Variants in DISP2 observed in about 807,000 individuals in gnomAD.
The protein encoded by DISP2 is dispatched RND transporter family member 2.
Under a neutral mutation model 95.5 loss-of-function variants are expected in DISP2, and 59 were observed. That is an observed-to-expected ratio of 0.62 (90% CI 0.50 to 0.77). The LOEUF is 0.77. Ranked by LOEUF, DISP2 falls within the 30% of genes least tolerant of loss-of-function variation. The probability of loss-of-function intolerance (pLI) is 0.00; values close to 1 mark genes in which losing one functional copy is unlikely to be tolerated. For synonymous variants in DISP2, 827 were observed against 815.0 expected (o/e 1.01, Z -0.25); for missense variants, 1,752 against 1,854.6 (o/e 0.94, Z 1.02).
chr15:40,362,446 A>G (rs1207360195), intron 1 of DISP2, among the ~76,000 whole-genome samples: 1 of 152,278 alleles, frequency 6.6e-6, no homozygotes, highest in Non-Finnish European at 1.5e-5. Flanking sequence ...CAGCCAGCCT[A>G]GCACTCATTC....
chr15:40,369,555 G>T lies in DISP2; in HGVS notation c.3443G>T (p.Arg1148Leu). The T allele has an allele frequency of 1.2e-6, 2 of 1,612,428 alleles. No homozygotes were observed. Among genetic ancestry groups the T allele is most frequent in the South Asian group, 1.1e-5 (1 of 91,054 alleles). The change falls in exon 8 of 8, where the codon CGA becomes CTA. Residue 1148 changes from arginine to leucine, a missense_variant. Coordinates refer to ENST00000267889, the MANE Select transcript of DISP2 (RefSeq NM_033510.3). ...GGTGGGGAGAAGGCAGGCCGCCCAC[G>T]ACCAGGGTCAGTGGGAGGGATGCCC... ...DPGGEKAGRPRPGSVGGMPGS... is the reference protein window; with the variant it reads ...DPGGEKAGRPLPGSVGGMPGS...
chr15:40,369,620 C>T lies in DISP2; in HGVS notation c.3508C>T (p.Arg1170Trp), dbSNP rs139662420. The part of the protein sequence containing the change: ...SEQYELQPLA[R>W]RRSPSFDTST... ...GCAATATGAGCTACAGCCCCTGGCA[C>T]GGCGTCGGAGCCCCAGCTTTGACAC... Residue 1170 changes from arginine to tryptophan, a missense_variant, in exon 8 of 8, where the codon CGG becomes TGG. Arg to Trp is a moderately radical substitution (Grantham distance 101). This residue lies in a region of DISP2 where 347 missense variants were observed against 344.2 expected (regional missense o/e 1.01). Coordinates refer to ENST00000267889, the MANE Select transcript of DISP2 (RefSeq NM_033510.3). 2.9e-5 allele frequency: 47 copies of T among 1,611,496 alleles called. No individual in the cohort carries two copies. The highest frequency in any genetic ancestry group is 5.3e-5 in the African/African-American group (4 of 75,030).
At position 40,367,838 on chromosome 15, in the gene DISP2, G is replaced by C. The variant is rs139541441; in HGVS notation, c.1726G>C (p.Gly576Arg). ...WRLSKSQLPS[G>R]GLAQRVGRTM... ...CCTTAGCAAGAGCCAGCTGCCGTCGGGGGGGCTGGCGCAGCGCGTGGGCCG... is the reference window on the plus strand; with the variant it reads ...CCTTAGCAAGAGCCAGCTGCCGTCGCGGGGGCTGGCGCAGCGCGTGGGCCG... The change falls in exon 8 of 8, where the codon GGG (glycine) becomes CGG (arginine). Residue 576 changes from glycine (G) to arginine (R), a missense_variant. Around this residue, in one of 5 missense-constraint regions of DISP2, gnomAD observed 732 missense variants for 714.6 expected, o/e 1.02. Transcript: ENST00000267889. 3.5e-4 allele frequency: 567 copies of C among 1,601,362 alleles called. No homozygotes were observed. Among genetic ancestry groups the C allele is most frequent in the Admixed American group, 1.0e-3 (62 of 59,976 alleles).
Position 40,369,150 on chromosome 15 carries a change from A to T in DISP2, c.3038A>T (p.Gln1013Leu). 6.2e-7 allele frequency: 1 copy of T among 1,613,916 alleles called. No homozygotes were observed. Among genetic ancestry groups the T allele is most frequent in the Non-Finnish European group, 8.5e-7 (1 of 1,180,042 alleles). ...GGACTCCTGGTTCTCCTCGAGTGGC[A>T]GCTCAACACTGCCGAGGCCCTGTTT... ...TVGLLVLLEW[Q>L]LNTAEALFLS... is the part of the protein sequence containing the mutation. The change falls in exon 8 of 8, where the codon CAG becomes CTG. Residue 1013 changes from glutamine to leucine, a missense_variant. Coordinates refer to ENST00000267889, the MANE Select transcript of DISP2 (RefSeq NM_033510.3).
chr15:40,369,581 G>C lies in DISP2; in HGVS notation c.3469G>C (p.Gly1157Arg). 6.2e-7 allele frequency: 1 copy of C among 1,611,768 alleles called. No homozygotes were observed. The highest frequency in any genetic ancestry group is 1.3e-5 in the African/African-American group (1 of 75,036). Residue 1157 changes from glycine (G) to arginine (R), a missense_variant, in exon 8 of 8, where the codon GGG (glycine) becomes CGG (arginine). Gly to Arg is a moderately radical substitution (Grantham distance 125, BLOSUM62 -2). Around this residue, in one of 5 missense-constraint regions of DISP2, gnomAD observed 347 missense variants for 344.2 expected, o/e 1.01. Coordinates refer to ENST00000267889, the MANE Select transcript of DISP2 (RefSeq NM_033510.3). ...ACCAGGGTCAGTGGGAGGGATGCCC[G>C]GGTCCTGCTCAGAGCAATATGAGCT... ...PRPGSVGGMP[G>R]SCSEQYELQP...
chr15:40,374,014 A>AAAAAATATAT lies in DISP2; in HGVS notation c.*3697_*3698insAAAATATATA. On this transcript the variant is annotated 3_prime_UTR_variant, in exon 8 of 8. Coordinates refer to ENST00000267889, the MANE Select transcript of DISP2 (RefSeq NM_033510.3). ...GCGAGACTCCATCTTAAAAAAAAAAAATATATATATATATATATGTAAACT... is the reference window on the plus strand; with the variant it reads ...GCGAGACTCCATCTTAAAAAAAAAAAAAAAATATATATATATATATATATATATGTAAACT... 3 of 104,204 alleles carry AAAAAATATAT rather than the reference A, an allele frequency of 2.9e-5. No homozygotes were observed. The highest frequency in any genetic ancestry group is 1.3e-4 in the African/African-American group (3 of 23,990). 6.5% of individuals were successfully genotyped at this position (104,204 alleles called of 1,614,324 possible).
At chr15:40,359,185 C>T (rs1203850089) in intron 1 of DISP2, among the ~76,000 whole-genome samples, 3 of 152,200 alleles carry the variant, frequency 2.0e-5, no homozygotes, top group Non-Finnish European at 4.4e-5. Flanking sequence ...AGCAATATGG[C>T]GCAATTTCTG....
At position 40,371,973 on chromosome 15, in the gene DISP2, G is replaced by A. The variant is rs1392719935; in HGVS notation, c.*1655G>A. ...GGGTAACAAGAAAGGCTTTCTGGAG[G>A]AGGAAAAACTTGAGCTGGGCTTCAG... On this transcript the variant is annotated 3_prime_UTR_variant, in exon 8 of 8. Transcript: ENST00000267889. The A allele has an allele frequency of 6.6e-6, 1 of 152,188 alleles. No homozygotes were observed. Among genetic ancestry groups the A allele is most frequent in the Non-Finnish European group, 1.5e-5 (1 of 68,034 alleles). 9.4% of individuals were successfully genotyped at this position (152,188 alleles called of 1,614,324 possible).
rs1387507759 is a variant in DISP2, at chr15:40,374,203, G to C, written c.*3885G>C. 6.8e-6 allele frequency: 1 copy of C among 147,546 alleles called. No individual in the cohort carries two copies. Among genetic ancestry groups the C allele is most frequent in the Admixed American group, 6.8e-5 (1 of 14,734 alleles). 9.1% of individuals were successfully genotyped at this position (147,546 alleles called of 1,614,324 possible). ...TGATATGCGGGCAATATTCCAGCTTGAGACAATTTTTTTTTTTTTTTTTTG... is the reference window on the plus strand; with the variant it reads ...TGATATGCGGGCAATATTCCAGCTTCAGACAATTTTTTTTTTTTTTTTTTG... On this transcript the variant is annotated 3_prime_UTR_variant, in exon 8 of 8. Transcript: ENST00000267889.
At chr15:40,359,143 A>G (rs1730777411) in intron 1 of DISP2, among the ~76,000 whole-genome samples, 1 of 152,006 alleles carries the variant, frequency 6.6e-6, no homozygotes, top group African/African-American at 2.4e-5. Flanking sequence ...CCCTTCCTCC[A>G]CCATATGTGT....
At chr15:40,365,003 T>C in intron 5 of DISP2, 50 bp downstream of exon 5, 1 of 1,607,636 alleles carries the variant, frequency 6.2e-7, no homozygotes, top group East Asian at 2.2e-5. Context: ...AAGAATGAGA[T>C]CTTCAGGAAG....
At chr15:40,366,525 C>T (rs970461240) in intron 7 of DISP2, among the ~76,000 whole-genome samples, 2 of 152,224 alleles carry the variant, frequency 1.3e-5, no homozygotes, top group Non-Finnish European at 2.9e-5. Context: ...GGTCAGTGCT[C>T]TCTGTACTAC....
In DISP2 at chr15:40,363,582, C is replaced by T. The variant is rs374305547; in HGVS notation, c.120-43C>T. 7.1e-6 allele frequency: 10 copies of T among 1,417,332 alleles called. No individual in the cohort carries two copies. The African/African-American group carries it at 1.3e-4, about 18-fold the overall frequency. The allele number at this position is 1,417,332 out of a possible 1,614,324, so 87.8% of individuals were successfully genotyped here. On this transcript the variant is annotated intron_variant, in intron 1 of 7. Coordinates refer to ENST00000267889, the MANE Select transcript of DISP2 (RefSeq NM_033510.3). ...AATGCTGGGGCATGGGGTGGCCCAC[C>T]ACCATCCCCCACCCCAATCTTCCTT...
At position 40,367,825 on chromosome 15, in the gene DISP2, C is replaced by A. The variant is rs780050856; in HGVS notation, c.1713C>A (p.Ser571Arg). The A allele has an allele frequency of 6.2e-7, 1 of 1,603,014 alleles. No homozygotes were observed. The highest frequency in any genetic ancestry group is 8.5e-7 in the Non-Finnish European group (1 of 1,179,942). The change falls in exon 8 of 8, where the codon AGC becomes AGA. Residue 571 changes from serine to arginine, a missense_variant. Coordinates refer to ENST00000267889, the MANE Select transcript of DISP2 (RefSeq NM_033510.3). ...IFFDLWRLSK[S>R]QLPSGGLAQR... is the part of the protein sequence containing the mutation. ...TCGACCTGTGGCGCCTTAGCAAGAG[C>A]CAGCTGCCGTCGGGGGGGCTGGCGC... is the stretch of plus-strand genomic sequence containing the variant.
chr15:40,364,899 C>T lies in DISP2; in HGVS notation c.665C>T (p.Ala222Val). ...SKLVVWRALQ[A>V]LTGPRKLLFL... The stretch of plus-strand genomic sequence containing the variant: ...TTAGTGGTCTGGAGAGCACTACAAG[C>T]CCTCACAGGCCCCAGGAAGCTGCTT... The change falls in exon 5 of 8, where the codon GCC becomes GTC. Residue 222 changes from alanine to valine, a missense_variant. Coordinates refer to ENST00000267889, the MANE Select transcript of DISP2 (RefSeq NM_033510.3). 6.2e-7 allele frequency: 1 copy of T among 1,614,186 alleles called. No individual in the cohort carries two copies. The highest frequency in any genetic ancestry group is 8.5e-7 in the Non-Finnish European group (1 of 1,180,034).
In DISP2 at chr15:40,365,299, T is replaced by TAG. The variant is rs767763910; in HGVS notation, c.847+25_847+26insAG. The TAG allele has an allele frequency of 2.5e-6, 4 of 1,611,144 alleles. No homozygotes were observed. The South Asian group carries it at 4.4e-5, about 18-fold the overall frequency. On this transcript the variant is annotated intron_variant, in intron 6 of 7. Transcript: ENST00000267889. ...GGTAAGCTGCAGCCTGGCCAGTTCC[T>TAG]GGTTTTAATAGTGGTCCCCACCCCA...
Position 40,369,293 on chromosome 15 carries a change from T to C in DISP2, c.3181T>C (p.Cys1061Arg). The change falls in exon 8 of 8, where the codon TGC (cysteine) becomes CGC (arginine). Residue 1061 changes from cysteine (C) to arginine (R), a missense_variant. Physicochemically the swap from Cys to Arg is radical, Grantham distance 180. Around this residue, in one of 5 missense-constraint regions of DISP2, gnomAD observed 317 missense variants for 394.9 expected, o/e 0.80. Transcript: ENST00000267889. ...GGCCTTCTCTCTGCGCCAGACCAGCTGCGCCACAGCCGTGGGGGCTGCAGC... is the reference window on the plus strand; with the variant it reads ...GGCCTTCTCTCTGCGCCAGACCAGCCGCGCCACAGCCGTGGGGGCTGCAGC... Reference protein sequence around the residue: ...RVAFSLRQTSCATAVGAAALF... With the variant: ...RVAFSLRQTSRATAVGAAALF... 6.2e-7 allele frequency: 1 copy of C among 1,613,602 alleles called. No homozygotes were observed. Among genetic ancestry groups the C allele is most frequent in the South Asian group, 1.1e-5 (1 of 91,088 alleles).
intron 4 of DISP2, 105 bp from the exon 5 acceptor site, chr15:40,364,733 G>T: frequency 4.3e-6 from 6 of 1,396,376 alleles, no homozygotes; most frequent in South Asian, 1.4e-5. Context: ...AGGCAGGCGG[G>T]CTGGCCTTCC....
intron 1 of DISP2, among the ~76,000 whole-genome samples, chr15:40,361,764 G>T (rs1190257921): frequency 1.3e-5 from 2 of 152,252 alleles, no homozygotes; most frequent in Admixed American, 1.3e-4. Flanking sequence ...CTGAGGCTGG[G>T]ACTGCAGCTC....
Sources: allele counts gnomAD v4.1 joint callset (sites outside exome capture counted in the v4.1 genomes callset), GRCh38; gene constraint gnomAD v4.1.1; regional missense constraint gnomAD v4.1.1; transcripts MANE v1.5; gene names NCBI Gene and HGNC (gene_info 2026-07-23, HGNC 2026-07-21).